The following EIF2AK3 variants were observed in gnomAD, a reference collection of about 807,000 sequenced individuals.
The protein encoded by EIF2AK3 is eukaryotic translation initiation factor 2-alpha kinase 3.
Under a neutral mutation model 113.5 loss-of-function variants are expected in EIF2AK3, and 50 were observed. That is an observed-to-expected ratio of 0.44 (90% confidence interval 0.35 to 0.56). EIF2AK3 has a LOEUF of 0.56. Among genes scored for constraint, EIF2AK3 ranks in the 20% least tolerant of loss-of-function variants. The probability of loss-of-function intolerance (pLI) is 0.00; values close to 1 mark genes in which losing one functional copy is unlikely to be tolerated. For missense variants in EIF2AK3, 1,185 were observed against 1,378.0 expected (o/e 0.86, Z 2.22); for synonymous variants, 448 against 495.4 (o/e 0.90, Z 1.27).
At chr2:88,591,233 G>A (rs141965116) in intron 4 of EIF2AK3, among the ~76,000 whole-genome samples, 181 bp from the exon 5 acceptor site, 50 of 152,276 alleles carry the variant, frequency 3.3e-4, no homozygotes, top group African/African-American at 1.2e-3. Context: ...CAAGAACTTT[G>A]TCCTGACCCT....
intron 6 of EIF2AK3, 122 bp downstream of exon 6, chr2:88,590,321 A>ATAAAT: frequency 1.0e-6 from 1 of 971,248 alleles, no homozygotes; most frequent in Non-Finnish European, 1.6e-6. Flanking sequence ...AGGGCAACGT[A>ATAAAT]CATCAGAGAT....
intron 1 of EIF2AK3, among the ~76,000 whole-genome samples, chr2:88,619,345 A>G (rs749302526): frequency 7.2e-5 from 11 of 152,212 alleles, no homozygotes; most frequent in Middle Eastern, 3.4e-3. Flanking sequence ...TCCTGTTTGT[A>G]CTACATGTTC....
intron 10 of EIF2AK3, 103 bp from the exon 11 acceptor site, chr2:88,579,743 A>T (rs1674551671): frequency 6.6e-6 from 7 of 1,055,842 alleles, no homozygotes; most frequent in Non-Finnish European, 9.8e-6. Flanking sequence ...GTATAAACTC[A>T]TAGAACTCAT....
Position 88,617,616 on chromosome 2 carries a change from G to T in EIF2AK3, c.309-3763C>A, listed in dbSNP as rs1404851682. ...TAAAATATAAAAAAAAATTAGCCGG[G>T]CGTGGTGGTGCATGCCTGTAGTCCC... On this transcript the variant is annotated intron_variant, in intron 1 of 16. Transcript: ENST00000303236. Among the ~76,000 whole-genome samples the T allele has an allele frequency of 2.6e-5, 4 of 151,856 alleles. No homozygotes were observed. In the East Asian group the frequency reaches 7.7e-4, roughly 29 times the overall value.
chr2:88,626,834 C>T, intron 1 of EIF2AK3, 133 bp downstream of exon 1: 1 of 1,252,858 alleles, frequency 8.0e-7, no homozygotes, highest in Non-Finnish European at 1.1e-6. Flanking sequence ...GCGCTCGTCC[C>T]CAGGTCGCCA....
chr2:88,600,756 T>G (rs1675130627), intron 2 of EIF2AK3, among the ~76,000 whole-genome samples: 1 of 152,160 alleles, frequency 6.6e-6, no homozygotes, highest in Non-Finnish European at 1.5e-5. Context: ...GAATTTCATA[T>G]GAGAAAATAA....
chr2:88,600,321 C>G (rs562210611), intron 2 of EIF2AK3, among the ~76,000 whole-genome samples: 1 of 152,208 alleles, frequency 6.6e-6, no homozygotes, highest in African/African-American at 2.4e-5. Context: ...TACCTCACCC[C>G]CTAAGCATAG....
chr2:88,614,748 T>C (rs1675531480), intron 1 of EIF2AK3, among the ~76,000 whole-genome samples: 1 of 152,122 alleles, frequency 6.6e-6, no homozygotes, highest in Admixed American at 6.5e-5. Context: ...CAGTCCTTCA[T>C]CTTAAGCACT....
intron 8 of EIF2AK3, 127 bp from the exon 9 acceptor site, chr2:88,586,188 C>G: frequency 1.4e-6 from 1 of 731,140 alleles, no homozygotes; most frequent in Non-Finnish European, 2.3e-6. Context: ...TGTCTCTCTT[C>G]TTTAACGTAT....
At chr2:88,611,636 T>C (rs1306649434) in intron 2 of EIF2AK3, among the ~76,000 whole-genome samples, 3 of 152,084 alleles carry the variant, frequency 2.0e-5, no homozygotes, top group Admixed American at 6.6e-5. Context: ...TCTTTTGCTG[T>C]TGTTGTTGTT....
chr2:88,571,328 T>A (rs943565666), intron 13 of EIF2AK3, among the ~76,000 whole-genome samples: 1 of 152,198 alleles, frequency 6.6e-6, no homozygotes, highest in Admixed American at 6.5e-5. Context: ...TAATCCTCAA[T>A]CTTATTATTC....
At chr2:88,594,143 T>C (rs544527704) in intron 3 of EIF2AK3, 1 of 153,200 alleles carries the variant, frequency 6.5e-6, no homozygotes, top group Admixed American at 6.5e-5. Context: ...GGCCTAACAC[T>C]TAGATAAGGA....
intron 14 of EIF2AK3, among the ~76,000 whole-genome samples, chr2:88,569,538 G>A (rs1409114229): frequency 6.6e-6 from 1 of 152,160 alleles, no homozygotes; most frequent in Non-Finnish European, 1.5e-5. Context: ...CTTTTCTGGT[G>A]AGATTGGTGG....
chr2:88,573,110 CT>C (rs112158228), intron 13 of EIF2AK3, among the ~76,000 whole-genome samples: 573 of 128,160 alleles, frequency 4.5e-3, no homozygotes, highest in African/African-American at 5.5e-3. Context: ...AAAATCTTGG[CT>C]TTTTTTTTTT....
intron 9 of EIF2AK3, among the ~76,000 whole-genome samples, 170 bp from the exon 10 acceptor site, chr2:88,583,712 A>T (rs1363826733): frequency 6.6e-6 from 1 of 152,216 alleles, no homozygotes; most frequent in Non-Finnish European, 1.5e-5. Context: ...AAAGAAAAAA[A>T]GTTTATCTTC....
Position 88,579,947 on chromosome 2 carries a change from C to T in EIF2AK3, c.1764-307G>A, listed in dbSNP as rs570251106. On this transcript the variant is annotated intron_variant, in intron 10 of 16. Transcript: ENST00000303236. ...ATGTGTGCTGTCCAATACTTCCTAT[C>T]ATCTACCAAAATATCATATTCCTAA... is the stretch of plus-strand genomic sequence containing the variant. 2.7e-5 allele frequency: 8 copies of T among 298,228 alleles called. No individual in the cohort carries two copies. The South Asian group carries it at 2.7e-4, about 10-fold the overall frequency. The allele number at this position is 298,228 out of a possible 1,614,324, so 18.5% of individuals were successfully genotyped here. A position where few individuals can be genotyped will look rare whatever the true frequency, so the allele number is the denominator to read the frequency against.
intron 6 of EIF2AK3, 76 bp from the exon 7 acceptor site, chr2:88,588,977 A>C (rs1674813745): frequency 6.6e-7 from 1 of 1,512,980 alleles, no homozygotes; most frequent in Non-Finnish European, 9.0e-7. Context: ...AAATTACATT[A>C]ATTCCAGTTA....
intron 8 of EIF2AK3, 82 bp from the exon 9 acceptor site, chr2:88,586,143 T>C: frequency 9.1e-7 from 1 of 1,098,628 alleles, no homozygotes; most frequent in Non-Finnish European, 1.4e-6. Context: ...TTATCCATTT[T>C]CCTGTGACTT....
intron 2 of EIF2AK3, among the ~76,000 whole-genome samples, chr2:88,606,219 T>C (rs1300475630): frequency 6.6e-6 from 1 of 151,994 alleles, no homozygotes; most frequent in East Asian, 1.9e-4. Flanking sequence ...AAAAGAACAC[T>C]GATTTTAATA....
Sources: allele counts gnomAD v4.1 joint callset (sites outside exome capture counted in the v4.1 genomes callset), GRCh38; gene constraint gnomAD v4.1.1; transcripts MANE v1.5; gene names NCBI Gene and HGNC (gene_info 2026-07-23, HGNC 2026-07-21).